Variants in ROBO2 observed in about 807,000 individuals in gnomAD.
ROBO2 encodes the protein roundabout guidance receptor 2, also known as roundabout homolog 2.
ROBO2 carries 53 observed loss-of-function variants against 160.8 expected under a neutral mutation model. That is an observed-to-expected ratio of 0.33 (90% CI 0.26 to 0.41). The LOEUF is 0.41. ROBO2 is among the 10% of genes least tolerant of loss of function. The pLI is 1.00. For synonymous variants in ROBO2, 664 were observed against 611.7 expected (o/e 1.09, Z -1.26); for missense variants, 1,577 against 1,722.4 (o/e 0.92, Z 1.49).
At chr3:75,942,100 G>A (rs1324284029) in intron 2 of ROBO2, among the ~76,000 whole-genome samples, 2 of 152,048 alleles carry the variant, frequency 1.3e-5, no homozygotes, top group Non-Finnish European at 2.9e-5. Flanking sequence ...TCTTTTGAGA[G>A]CTGAAGGTAG....
intron 2 of ROBO2, among the ~76,000 whole-genome samples, chr3:77,256,019 A>G (rs752443454): frequency 6.6e-6 from 1 of 152,206 alleles, no homozygotes; most frequent in Non-Finnish European, 1.5e-5. Flanking sequence ...GTTTGATTCC[A>G]AAATGATCAA....
At chr3:76,209,863 A>G (rs1350359589) in intron 2 of ROBO2, among the ~76,000 whole-genome samples, 1 of 152,128 alleles carries the variant, frequency 6.6e-6, no homozygotes, top group African/African-American at 2.4e-5. Flanking sequence ...AGCATTTAGA[A>G]TTTATCTTCT....
intron 2 of ROBO2, among the ~76,000 whole-genome samples, chr3:76,309,135 T>C (rs890802377): frequency 6.6e-6 from 1 of 152,176 alleles, no homozygotes; most frequent in Non-Finnish European, 1.5e-5. Flanking sequence ...GGTTTAGTTG[T>C]AGAGTCCTCC....
At chr3:76,779,068 A>T (rs1334813512) in intron 2 of ROBO2, among the ~76,000 whole-genome samples, 1 of 151,062 alleles carries the variant, frequency 6.6e-6, no homozygotes. Flanking sequence ...CCTCTCATCC[A>T]GGCTGAATCC....
chr3:76,151,724 C>G (rs1516465), intron 2 of ROBO2, among the ~76,000 whole-genome samples: 3,495 of 152,232 alleles, frequency 0.023, 220 homozygotes, highest in East Asian at 0.21. Context: ...ATTTTCCAAA[C>G]ACTTGATTAC....
chr3:76,063,343 CTTT>C (rs35062174), intron 2 of ROBO2, among the ~76,000 whole-genome samples: 9 of 134,738 alleles, frequency 6.7e-5, no homozygotes, highest in Non-Finnish European at 8.0e-5. Context: ...GCCCTCCTCC[CTTT>C]TTTTTTTTTT....
At chr3:76,957,769 T>C (rs542789158) in intron 2 of ROBO2, among the ~76,000 whole-genome samples, 129 of 151,544 alleles carry the variant, frequency 8.5e-4, no homozygotes, top group Non-Finnish European at 1.4e-3. Context: ...AGGCAGAGGT[T>C]GCAGTGAGCC....
At chr3:76,507,235 G>T (rs2080845101) in intron 2 of ROBO2, among the ~76,000 whole-genome samples, 1 of 151,936 alleles carries the variant, frequency 6.6e-6, no homozygotes, top group Admixed American at 6.6e-5. Context: ...GTTTGAAAAT[G>T]CATGAAGATA....
At chr3:76,346,091 G>T (rs1240285729) in intron 2 of ROBO2, among the ~76,000 whole-genome samples, 1 of 152,044 alleles carries the variant, frequency 6.6e-6, no homozygotes, top group Non-Finnish European at 1.5e-5. Flanking sequence ...AAGCACTAAA[G>T]ATCAGCCTTG....
chr3:76,128,920 A>G (rs2071111986), intron 2 of ROBO2, among the ~76,000 whole-genome samples: 1 of 152,122 alleles, frequency 6.6e-6, no homozygotes, highest in Non-Finnish European at 1.5e-5. Flanking sequence ...TTGCGTATAG[A>G]GCAGTAACTT....
intron 2 of ROBO2, among the ~76,000 whole-genome samples, chr3:76,571,103 A>T (rs902376065): frequency 1.3e-5 from 2 of 152,184 alleles, no homozygotes; most frequent in African/African-American, 2.4e-5. Context: ...TATCTCTAGC[A>T]TGTATAACTC....
In ROBO2 at chr3:75,937,841, T is replaced by TTATATATATATATATATATA. The variant is rs1158457510; in HGVS notation, c.109+253_109+272dup. ...TGGCTTTTATCTGTTGGAATTGATT[T>TTATATATATATATATATATA]TATATATATATATATATATATATAT... On this transcript the variant is annotated intron_variant, in intron 2 of 26. Coordinates refer to the ROBO2 transcript ENST00000487694. Among the ~76,000 whole-genome samples, 477 of 105,352 alleles carry TTATATATATATATATATATA rather than the reference T, an allele frequency of 4.5e-3. 6 individuals are homozygous for TTATATATATATATATATATA. The highest frequency in any genetic ancestry group is 9.0e-3 in the East Asian group (31 of 3,436). 69.1% of individuals were successfully genotyped at this position (105,352 alleles called of 152,430 possible).
At chr3:77,225,887 C>G (rs1340428236) in intron 2 of ROBO2, among the ~76,000 whole-genome samples, 9 of 151,934 alleles carry the variant, frequency 5.9e-5, no homozygotes. Context: ...GATTTTATCA[C>G]AGGAAGATGT....
chr3:77,219,468 G>GTATATATATATATAATCTGTATATATA (rs2085463608), intron 2 of ROBO2, among the ~76,000 whole-genome samples: 2 of 122,238 alleles, frequency 1.6e-5, no homozygotes, highest in Non-Finnish European at 3.4e-5. Context: ...ATGTATCTGT[G>GTATATATATATATAATCTGTATATATA]TATATATATA....
At chr3:76,406,997 G>GTTTTTTTTTTT (rs62802963) in intron 2 of ROBO2, among the ~76,000 whole-genome samples, 1 of 123,376 alleles carries the variant, frequency 8.1e-6, no homozygotes, top group Non-Finnish European at 1.8e-5. Flanking sequence ...ACCCTGAGTT[G>GTTTTTTTTTTT]TTTTTTTTTT....
chr3:77,043,940 G>T (rs1323876675), intron 1 of ROBO2, among the ~76,000 whole-genome samples: 2 of 151,996 alleles, frequency 1.3e-5, no homozygotes, highest in African/African-American at 2.4e-5. Context: ...TCTCATAGAG[G>T]TTTATACATG....
intron 2 of ROBO2, among the ~76,000 whole-genome samples, chr3:76,473,484 A>G (rs977810859): frequency 6.6e-6 from 1 of 152,154 alleles, no homozygotes; most frequent in African/African-American, 2.4e-5. Flanking sequence ...TTCTGTCTGT[A>G]AAAGATTTAC....
At chr3:76,668,746 G>GGA (rs2092150406) in intron 2 of ROBO2, among the ~76,000 whole-genome samples, 1 of 149,562 alleles carries the variant, frequency 6.7e-6, no homozygotes, top group African/African-American at 2.5e-5. Flanking sequence ...CAAACTCAGA[G>GGA]AAAAAAAAAA....
chr3:77,210,454 T>A (rs1415740877), intron 2 of ROBO2, among the ~76,000 whole-genome samples: 1 of 152,112 alleles, frequency 6.6e-6, no homozygotes, highest in African/African-American at 2.4e-5. Context: ...CAATACAATA[T>A]ACCCTACAGG....
Sources: allele counts gnomAD v4.1 joint callset (sites outside exome capture counted in the v4.1 genomes callset), GRCh38; gene constraint gnomAD v4.1.1; transcripts MANE v1.5; gene names NCBI Gene and HGNC (gene_info 2026-07-23, HGNC 2026-07-21).